Variants in TCN1 observed in about 807,000 individuals in gnomAD.
TCN1 encodes the protein transcobalamin-1.
Under a neutral mutation model 46.3 loss-of-function variants are expected in TCN1, and 47 were observed. The observed-to-expected ratio is 1.01, with a 90% CI of 0.80 to 1.29. TCN1 has a LOEUF of 1.29. TCN1 is among the 50% of genes most tolerant of loss of function. The probability of loss-of-function intolerance (pLI) is 0.00; values close to 1 mark genes in which losing one functional copy is unlikely to be tolerated. For synonymous variants in TCN1, 183 were observed against 192.5 expected, an observed-to-expected ratio of 0.95 and a Z score of 0.41; for missense variants, 532 against 511.0, an observed-to-expected ratio of 1.04 and a Z score of -0.40.
chr11:59,852,922 C>T lies in TCN1; in HGVS notation c.*53G>A, dbSNP rs771627355. On this transcript the variant is annotated 3_prime_UTR_variant, in exon 9 of 9. Coordinates refer to ENST00000257264, the MANE Select transcript of TCN1 (RefSeq NM_001062.4). The stretch of plus-strand genomic sequence containing the variant: ...AAGAAGAAGGCATAAGGACAATAAA[C>T]ATGGAACTCCACTGCAAATGGATTT... The T allele has an allele frequency of 1.3e-6, 2 of 1,526,492 alleles. No individual in the cohort carries two copies. Among genetic ancestry groups the T allele is most frequent in the South Asian group, 1.1e-5 (1 of 89,294 alleles). The allele number at this position is 1,526,492 out of a possible 1,614,324, so 94.6% of individuals were successfully genotyped here. A position where few individuals can be genotyped will look rare whatever the true frequency, so the allele number is the denominator to read the frequency against.
rs898011898 is a variant in TCN1, at chr11:59,852,843, A to G, written c.*132T>C. 4.8e-6 allele frequency: 4 copies of G among 831,982 alleles called. No homozygotes were observed. Among genetic ancestry groups the G allele is most frequent in the African/African-American group, 1.7e-5 (1 of 59,802 alleles). 51.5% of individuals were successfully genotyped at this position (831,982 alleles called of 1,614,324 possible). ...AATCTTTCAACAACTTTTATTGAAC[A>G]TGTAGAGAGAGAAGGGGAGGTTATT... On this transcript the variant is annotated 3_prime_UTR_variant, in exon 9 of 9. Coordinates refer to ENST00000257264, the MANE Select transcript of TCN1 (RefSeq NM_001062.4).
intron 7 of TCN1, among the ~76,000 whole-genome samples, chr11:59,854,118 G>T (rs1246588896): frequency 6.6e-6 from 1 of 151,364 alleles, no homozygotes; most frequent in Non-Finnish European, 1.5e-5. Flanking sequence ...GCTAAATTTG[G>T]CAGTGGCTCA....
chr11:59,853,113 T>G (rs1453781378), intron 8 of TCN1, 77 bp from the exon 9 acceptor site: 1 of 1,598,648 alleles, frequency 6.3e-7, no homozygotes, highest in Admixed American at 1.7e-5. Context: ...TCATCTCTAC[T>G]AACCCCTTGG....
intron 1 of TCN1, among the ~76,000 whole-genome samples, chr11:59,865,054 A>G (rs1460540472): frequency 6.6e-6 from 1 of 152,210 alleles, no homozygotes; most frequent in Non-Finnish European, 1.5e-5. Context: ...ACCACCGAAT[A>G]AACTGTAAAA....
At chr11:59,860,183 G>A (rs865983722) in intron 4 of TCN1, among the ~76,000 whole-genome samples, 1 of 152,204 alleles carries the variant, frequency 6.6e-6, no homozygotes, top group African/African-American at 2.4e-5. Context: ...TGCCCAGGCT[G>A]GAGTGCTGTG....
Position 59,866,392 on chromosome 11 carries a change from C to T in TCN1, c.79G>A (p.Glu27Lys), listed in dbSNP as rs1308930526. 1.2e-6 allele frequency: 2 copies of T among 1,613,196 alleles called. No homozygotes were observed. The highest frequency in any genetic ancestry group is 1.3e-5 in the African/African-American group (1 of 74,864). The change falls in exon 1 of 9, where the codon GAG becomes AAG. Residue 27 changes from glutamate (E) to lysine (K), a missense_variant and splice_region_variant. Glu to Lys is a moderately conservative substitution (Grantham distance 56). Coordinates refer to ENST00000257264, the MANE Select transcript of TCN1 (RefSeq NM_001062.4). The part of the protein sequence containing the change: ...FIPSQLCEIC[E>K]VSEENYIRLK... ...TAATTTTAGCTCAAAGTTTACTCAC[C>T]ACAAATCTCGCATAGTTGGCTTGGA...
At chr11:59,862,776 C>T (rs2135110238) in intron 2 of TCN1, 54 bp from the exon 3 acceptor site, 2 of 1,605,176 alleles carry the variant, frequency 1.2e-6, no homozygotes, top group East Asian at 2.2e-5. Flanking sequence ...ATTTTTTGGG[C>T]CTCCTGATTT....
chr11:59,861,397 C>T (rs1341902679), intron 4 of TCN1, 130 bp downstream of exon 4: 6 of 1,016,228 alleles, frequency 5.9e-6, no homozygotes, highest in East Asian at 2.4e-5. Context: ...AAGAAAATTC[C>T]CTTTTGAGGG....
At chr11:59,866,330 T>C (rs1590868566) in intron 1 of TCN1, 62 bp downstream of exon 1, 2 of 1,530,124 alleles carry the variant, frequency 1.3e-6, no homozygotes, top group Non-Finnish European at 1.8e-6. Context: ...ACATAGAGTC[T>C]CTTGTCAACA....
chr11:59,856,096 T>A, intron 5 of TCN1, 38 bp from the exon 6 acceptor site: 1 of 1,403,566 alleles, frequency 7.1e-7, no homozygotes. Context: ...TGATGAGAGA[T>A]AAAGAGAGAC....
intron 8 of TCN1, 27 bp downstream of exon 8, chr11:59,853,176 G>T (rs757703655): frequency 1.2e-6 from 2 of 1,612,708 alleles, no homozygotes; most frequent in Non-Finnish European, 1.7e-6. Flanking sequence ...TTTTAGCATG[G>T]GTCTTTTTGG....
At position 59,866,477 on chromosome 11, in the gene TCN1, A is replaced by G; in HGVS notation, c.-7T>C. Reference sequence around the variant, plus strand: ...GCTGGTGTGACTGTCTCATCTCTCCAACAGTGTACCAGAATGTTGATGAAT... The same window carrying G: ...GCTGGTGTGACTGTCTCATCTCTCCGACAGTGTACCAGAATGTTGATGAAT... On this transcript the variant is annotated 5_prime_UTR_variant, in exon 1 of 9. Transcript: ENST00000257264. 6.2e-7 allele frequency: 1 copy of G among 1,613,162 alleles called. No individual in the cohort carries two copies. Among genetic ancestry groups the G allele is most frequent in the African/African-American group, 1.3e-5 (1 of 75,006 alleles).
intron 5 of TCN1, among the ~76,000 whole-genome samples, chr11:59,857,604 T>C (rs1479794791): frequency 2.6e-5 from 4 of 152,204 alleles, no homozygotes; most frequent in Non-Finnish European, 5.9e-5. Context: ...GAAAGTCCTC[T>C]AGCCCTGAGT....
chr11:59,861,961 C>T (rs1853019469), intron 3 of TCN1, among the ~76,000 whole-genome samples: 1 of 152,068 alleles, frequency 6.6e-6, no homozygotes, highest in Non-Finnish European at 1.5e-5. Flanking sequence ...AGAGTTAGGG[C>T]CAGAATACAG....
intron 4 of TCN1, among the ~76,000 whole-genome samples, chr11:59,860,862 A>C (rs993763806): frequency 2.0e-5 from 3 of 152,182 alleles, no homozygotes; most frequent in African/African-American, 7.2e-5. Flanking sequence ...TCTCCTTACT[A>C]TCCAGAAATA....
intron 7 of TCN1, 37 bp from the exon 8 acceptor site, chr11:59,853,358 AT>A (rs745995342): frequency 6.3e-7 from 1 of 1,577,992 alleles, no homozygotes; most frequent in East Asian, 2.2e-5. Flanking sequence ...GGAACTTAGA[AT>A]TGTCAAAGGA....
intron 8 of TCN1, 39 bp downstream of exon 8, chr11:59,853,164 A>T (rs1590864164): frequency 6.2e-7 from 1 of 1,612,298 alleles, no homozygotes; most frequent in African/African-American, 1.3e-5. Flanking sequence ...CCATTTGGGC[A>T]TTTTTAGCAT....
Position 59,859,232 on chromosome 11 carries a change from C to CA in TCN1, c.591dup (p.Val198CysfsTer14). The CA allele has an allele frequency of 6.2e-7, 1 of 1,614,006 alleles. No individual in the cohort carries two copies. Among genetic ancestry groups the CA allele is most frequent in the Non-Finnish European group, 8.5e-7 (1 of 1,180,032 alleles). The stretch of plus-strand genomic sequence containing the variant: ...TGCCCATTTATTAGACTCTTCTTCA[C>CA]ACAGGTCAGAGCCAGGACAGCCATT... On this transcript the variant is annotated frameshift_variant, in exon 5 of 9. Coordinates refer to ENST00000257264, the MANE Select transcript of TCN1 (RefSeq NM_001062.4). LOFTEE classifies it high-confidence loss of function.
At chr11:59,859,343 G>T (rs920449992) in intron 4 of TCN1, 76 bp from the exon 5 acceptor site, 2 of 1,516,862 alleles carry the variant, frequency 1.3e-6, no homozygotes, top group Non-Finnish European at 1.8e-6. Flanking sequence ...TTCCTGGGAT[G>T]TGAGACTTTC....
Sources: gnomAD v4.1 joint callset for allele counts (sites outside exome capture counted in the v4.1 genomes callset) on GRCh38, gnomAD v4.1.1 for gene constraint, MANE v1.5 for transcripts, NCBI Gene and HGNC (gene_info 2026-07-23, HGNC 2026-07-21) for gene names.